CNTNAP2: variants seen among roughly 807,000 people sequenced by gnomAD.
The protein encoded by CNTNAP2 is contactin-associated protein-like 2.
A neutral mutation model predicts 155.2 loss-of-function variants in CNTNAP2; 98 were observed. The ratio of observed to expected loss-of-function variants is 0.63; its 90% CI spans 0.54 to 0.75. The LOEUF (loss-of-function observed/expected upper bound fraction) is 0.75. Among genes scored for constraint, CNTNAP2 ranks in the 30% least tolerant of loss-of-function variants. The pLI, the probability that CNTNAP2 is intolerant of heterozygous loss-of-function variation, is 0.00. For missense variants in CNTNAP2, 1,727 were observed against 1,688.1 expected (o/e 1.02, Z -0.40); for synonymous variants, 651 against 631.2 (o/e 1.03, Z -0.47).
intron 17 of CNTNAP2, among the ~76,000 whole-genome samples, chr7:148,161,994 G>A (rs981008589): frequency 6.6e-6 from 1 of 152,170 alleles, no homozygotes; most frequent in African/African-American, 2.4e-5. Context: ...ATCCATCCCA[G>A]GCTTGACCTG....
intron 16 of CNTNAP2, among the ~76,000 whole-genome samples, chr7:148,120,367 G>A (rs887092710): frequency 6.6e-6 from 1 of 151,730 alleles, no homozygotes; most frequent in African/African-American, 2.4e-5. Flanking sequence ...CCCAGGCTCA[G>A]GTGATCCTCC....
At chr7:147,005,769 A>G (rs534278091) in intron 3 of CNTNAP2, among the ~76,000 whole-genome samples, 1 of 152,044 alleles carries the variant, frequency 6.6e-6, no homozygotes, top group Non-Finnish European at 1.5e-5. Flanking sequence ...CAAATGGAAC[A>G]TTCCTTTAGA....
chr7:146,800,274 C>T (rs1413122404), intron 2 of CNTNAP2, among the ~76,000 whole-genome samples: 1 of 152,138 alleles, frequency 6.6e-6, no homozygotes, highest in Non-Finnish European at 1.5e-5. Context: ...ACAACACCTA[C>T]ATCTCCCCAG....
intron 3 of CNTNAP2, among the ~76,000 whole-genome samples, chr7:146,874,396 A>G (rs980279543): frequency 6.6e-6 from 1 of 151,930 alleles, no homozygotes; most frequent in Non-Finnish European, 1.5e-5. Context: ...TGGAAGTGCA[A>G]TGGTGCAATC....
chr7:148,110,304 TGGA>T lies in CNTNAP2; in HGVS notation c.2384-7812_2384-7810del, dbSNP rs560034613. Among the ~76,000 whole-genome samples, 176 of 151,988 alleles carry T rather than the reference TGGA, an allele frequency of 1.2e-3. 1 individual carries two copies. Among genetic ancestry groups the T allele is most frequent in the Admixed American group, 2.2e-3 (34 of 15,270 alleles). ...GATCTGCCTCACGTTGCCCAGTAGG[TGGA>T]GATGGTAGAGCCAGAATGGGAACCT... On this transcript the variant is annotated intron_variant, in intron 15 of 23. Coordinates refer to ENST00000361727, the MANE Select transcript of CNTNAP2 (RefSeq NM_014141.6).
intron 15 of CNTNAP2, among the ~76,000 whole-genome samples, chr7:148,042,478 A>G (rs1802697007): frequency 6.6e-6 from 1 of 152,116 alleles, no homozygotes; most frequent in African/African-American, 2.4e-5. Context: ...ATCCTAAAGG[A>G]CAGACCCAGC....
At position 146,299,650 on chromosome 7, in the gene CNTNAP2, C is replaced by T. The variant is rs562368893; in HGVS notation, c.97+182677C>T. On this transcript the variant is annotated intron_variant, in intron 1 of 23. Transcript: ENST00000361727. ...CACTGGCCTCAAGCAGTCCTCCTGC[C>T]TCAGTTTTCCAAAATGCAGGGATAA... Among the ~76,000 whole-genome samples, 4 of 152,070 alleles carry T rather than the reference C, an allele frequency of 2.6e-5. No homozygotes were observed. The South Asian group carries it at 8.3e-4, about 32-fold the overall frequency.
At chr7:146,694,256 T>G (rs1021103266) in intron 1 of CNTNAP2, among the ~76,000 whole-genome samples, 5 of 152,242 alleles carry the variant, frequency 3.3e-5, no homozygotes, top group Non-Finnish European at 7.3e-5. Context: ...TTTGGGGTTA[T>G]GTGTAAACAA....
chr7:147,661,425 C>T (rs1795606360), intron 13 of CNTNAP2, among the ~76,000 whole-genome samples: 1 of 152,174 alleles, frequency 6.6e-6, no homozygotes, highest in Non-Finnish European at 1.5e-5. Flanking sequence ...TCACTGAACT[C>T]ATGGGTAGTA....
Position 147,528,048 on chromosome 7 carries a change from G to A in CNTNAP2, c.1778-34090G>A, listed in dbSNP as rs187566385. The stretch of plus-strand genomic sequence containing the variant: ...GACGTTATTCACTGACTCCTGTCCT[G>A]TGTTGGTTCAGGGTGGACTCTAAGG... On this transcript the variant is annotated intron_variant, in intron 11 of 23. Transcript: ENST00000361727. Among the ~76,000 whole-genome samples, 14 of 152,322 alleles carry A rather than the reference G, an allele frequency of 9.2e-5. No individual in the cohort carries two copies. In the South Asian group the frequency reaches 1.0e-3, roughly 11 times the overall value.
chr7:147,815,965 T>G (rs1798258811), intron 13 of CNTNAP2, among the ~76,000 whole-genome samples: 1 of 152,202 alleles, frequency 6.6e-6, no homozygotes, highest in Non-Finnish European at 1.5e-5. Context: ...CCTTTCCTTG[T>G]GTTTACATAT....
At chr7:146,404,141 A>AAAAAAAAAAAC (rs1367526173) in intron 1 of CNTNAP2, among the ~76,000 whole-genome samples, 33 of 147,490 alleles carry the variant, frequency 2.2e-4, no homozygotes, top group African/African-American at 8.5e-4. Flanking sequence ...AAAAAAAAAA[A>AAAAAAAAAAAC]ACAAAGAACT....
chr7:146,556,842 C>G (rs1387624705), intron 1 of CNTNAP2, among the ~76,000 whole-genome samples: 1 of 151,328 alleles, frequency 6.6e-6, no homozygotes, highest in Admixed American at 6.6e-5. Flanking sequence ...TCTCCCTTGC[C>G]TTGGTGAAAG....
At chr7:146,903,720 A>G (rs971159231) in intron 3 of CNTNAP2, among the ~76,000 whole-genome samples, 3 of 152,178 alleles carry the variant, frequency 2.0e-5, no homozygotes, top group African/African-American at 7.2e-5. Flanking sequence ...GAGAGAGAGG[A>G]AAGGATGGGC....
intron 10 of CNTNAP2, among the ~76,000 whole-genome samples, chr7:147,463,427 C>G (rs999541201): frequency 1.3e-5 from 2 of 152,136 alleles, no homozygotes; most frequent in African/African-American, 2.4e-5. Flanking sequence ...TATTGAGCTT[C>G]TACTATATCT....
chr7:146,989,875 A>T (rs1341367202), intron 3 of CNTNAP2, among the ~76,000 whole-genome samples: 3 of 151,604 alleles, frequency 2.0e-5, no homozygotes, highest in African/African-American at 7.3e-5. Context: ...AGGTGTTGTC[A>T]CCCCAATCTT....
Position 147,076,713 on chromosome 7 carries a change from C to T in CNTNAP2, c.551-31434C>T, listed in dbSNP as rs547645132. Among the ~76,000 whole-genome samples, 4 of 152,254 alleles carry T rather than the reference C, an allele frequency of 2.6e-5. No homozygotes were observed. The East Asian group carries it at 7.7e-4, about 29-fold the overall frequency. ...TTCAGGATGTTGTTCCTTGTTACTT[C>T]TGTCAGTGTAAATTTCATTAATACT... On this transcript the variant is annotated intron_variant, in intron 4 of 23. Coordinates refer to ENST00000361727, the MANE Select transcript of CNTNAP2 (RefSeq NM_014141.6).
At position 146,247,352 on chromosome 7, in the gene CNTNAP2, G is replaced by C. The variant is rs530468743; in HGVS notation, c.97+130379G>C. On this transcript the variant is annotated intron_variant, in intron 1 of 23. Transcript: ENST00000361727. The stretch of plus-strand genomic sequence containing the variant: ...GTGGAACGAAACTGTAAGCCGGACC[G>C]GGTGTGAGGAGGGGAGGTGATAAAA... Among the ~76,000 whole-genome samples the C allele has an allele frequency of 7.2e-5, 11 of 152,296 alleles. No homozygotes were observed. The South Asian group carries it at 1.9e-3, about 26-fold the overall frequency.
At chr7:148,097,086 G>C (rs946601775) in intron 15 of CNTNAP2, among the ~76,000 whole-genome samples, 2 of 152,102 alleles carry the variant, frequency 1.3e-5, no homozygotes, top group Admixed American at 1.3e-4. Flanking sequence ...ACATGTCTTT[G>C]TGAGGTATTA....
Sources: allele counts gnomAD v4.1 joint callset (sites outside exome capture counted in the v4.1 genomes callset), GRCh38; gene constraint gnomAD v4.1.1; transcripts MANE v1.5; gene names NCBI Gene and HGNC (gene_info 2026-07-23, HGNC 2026-07-21).